Variants in ACER3 observed in about 807,000 individuals in gnomAD.
ACER3 encodes the protein alkCDase 3.
In ACER3, 16 loss-of-function variants were observed where a neutral mutation model predicts 48.9. The ratio of observed to expected loss-of-function variants is 0.33; its 90% CI spans 0.22 to 0.50. ACER3 has a LOEUF of 0.50. ACER3 is among the 20% of genes least tolerant of loss of function. The pLI, the probability that ACER3 is intolerant of heterozygous loss-of-function variation, is 0.98. For missense variants in ACER3, 227 were observed against 326.0 expected (o/e 0.70, Z 2.34); for synonymous variants, 109 against 107.8 (o/e 1.01, Z -0.07).
chr11:76,893,514 A>G (rs145809912), intron 1 of ACER3, among the ~76,000 whole-genome samples: 128 of 152,314 alleles, frequency 8.4e-4, no homozygotes, highest in African/African-American at 2.8e-3. Flanking sequence ...CTTAGCTGTC[A>G]AATTGGATTG....
At chr11:76,963,477 GACA>G (rs34494857) in intron 3 of ACER3, among the ~76,000 whole-genome samples, 87,096 of 150,672 alleles carry the variant, frequency 0.58, 28,567 homozygotes, top group Non-Finnish European at 0.74. Flanking sequence ...TAACACATTA[GACA>G]ACGAGACCAG....
intron 3 of ACER3, among the ~76,000 whole-genome samples, chr11:76,960,137 G>A (rs538724668): frequency 7.2e-5 from 11 of 152,190 alleles, no homozygotes; most frequent in African/African-American, 2.4e-4. Context: ...TTGGCTGGGC[G>A]CGGTGGCTCA....
intron 1 of ACER3, among the ~76,000 whole-genome samples, chr11:76,891,027 G>A (rs1383250175): frequency 2.0e-5 from 3 of 151,938 alleles, no homozygotes; most frequent in East Asian, 3.9e-4. Flanking sequence ...GCTGAGGCAC[G>A]AGAATCGCTT....
intron 4 of ACER3, among the ~76,000 whole-genome samples, chr11:76,980,523 A>T (rs935355090): frequency 2.6e-5 from 4 of 152,196 alleles, no homozygotes; most frequent in Admixed American, 2.0e-4. Context: ...CAAAAAAATT[A>T]AAAAATTAGC....
Position 77,002,369 on chromosome 11 carries a change from T to G in ACER3, c.497+3548T>G, listed in dbSNP as rs185771601. ...TCAGTATTAACTGATTTTATCATACTGTTTTATTCTGTAGTCTGTTAATAA... is the reference window on the plus strand; with the variant it reads ...TCAGTATTAACTGATTTTATCATACGGTTTTATTCTGTAGTCTGTTAATAA... On this transcript the variant is annotated intron_variant, in intron 7 of 10. Coordinates refer to ENST00000532485, the MANE Select transcript of ACER3 (RefSeq NM_018367.7). Among the ~76,000 whole-genome samples the G allele has an allele frequency of 2.1e-4, 32 of 152,350 alleles. No individual in the cohort carries two copies. The East Asian group carries it at 4.6e-3, about 22-fold the overall frequency.
At position 77,024,536 on chromosome 11, in the gene ACER3, T is replaced by C. The variant is rs1949524182; in HGVS notation, c.*4209T>C. On this transcript the variant is annotated 3_prime_UTR_variant, in exon 11 of 11. Transcript: ENST00000532485. ...TGCCTTGAGTATGAAACCTTGACAT[T>C]GCTGAAAGAAAAGTGGAAACTGTAA... The C allele has an allele frequency of 6.6e-6, 1 of 152,172 alleles. No individual in the cohort carries two copies. The highest frequency in any genetic ancestry group is 2.1e-4 in the South Asian group (1 of 4,834). 9.4% of individuals were successfully genotyped at this position (152,172 alleles called of 1,614,324 possible).
intron 2 of ACER3, among the ~76,000 whole-genome samples, chr11:76,932,735 C>T (rs1258666445): frequency 6.6e-6 from 1 of 152,102 alleles, no homozygotes; most frequent in Non-Finnish European, 1.5e-5. Context: ...AGTATTATGA[C>T]CTTCAATTTA....
At chr11:76,907,211 T>C (rs1946258306) in intron 1 of ACER3, among the ~76,000 whole-genome samples, 1 of 152,222 alleles carries the variant, frequency 6.6e-6, no homozygotes, top group South Asian at 2.1e-4. Flanking sequence ...ACAAGCATTC[T>C]TTATGATAGG....
chr11:76,930,354 C>G (rs1435000932), intron 2 of ACER3, among the ~76,000 whole-genome samples: 2 of 152,084 alleles, frequency 1.3e-5, no homozygotes, highest in African/African-American at 2.4e-5. Flanking sequence ...ATTCTTCTCT[C>G]TTTTCTTCTT....
At chr11:76,933,426 GC>G (rs1395114321) in intron 2 of ACER3, among the ~76,000 whole-genome samples, 1 of 146,106 alleles carries the variant, frequency 6.8e-6, no homozygotes, top group Non-Finnish European at 1.5e-5. Flanking sequence ...AGAGGACCCT[GC>G]AGCCTTCCGC....
chr11:76,865,226 C>G (rs1156401655), intron 1 of ACER3, among the ~76,000 whole-genome samples: 2 of 149,072 alleles, frequency 1.3e-5, no homozygotes, highest in African/African-American at 4.9e-5. Flanking sequence ...CTCAAGCAGT[C>G]CTCCCACCTC....
intron 4 of ACER3, among the ~76,000 whole-genome samples, chr11:76,983,120 T>A (rs182289138): frequency 6.6e-6 from 1 of 152,318 alleles, no homozygotes; most frequent in East Asian, 1.9e-4. Flanking sequence ...CAAAATAGCC[T>A]GCTGGAAGAT....
In ACER3 at chr11:77,024,073, C is replaced by CAAAAAA. The variant is rs56406202; in HGVS notation, c.*3769_*3774dup. On this transcript the variant is annotated 3_prime_UTR_variant, in exon 11 of 11. Transcript: ENST00000532485. ...TGGGCAACAGAGCGAGACTCTGTCT[C>CAAAAAA]AAAAAAAAAAAAAAAAAAAAAAAAA... 4 of 15,104 alleles carry CAAAAAA rather than the reference C, an allele frequency of 2.6e-4. No individual in the cohort carries two copies. The highest frequency in any genetic ancestry group is 1.9e-3 in the East Asian group (1 of 524). 0.9% of individuals were successfully genotyped at this position (15,104 alleles called of 1,614,324 possible). A position where few individuals can be genotyped will look rare whatever the true frequency, so the allele number is the denominator to read the frequency against.
At chr11:76,875,732 GT>G (rs71040037) in intron 1 of ACER3, among the ~76,000 whole-genome samples, 5,839 of 66,944 alleles carry the variant, frequency 0.087, 15 homozygotes, top group East Asian at 0.17. Context: ...AGTTTTTGTT[GT>G]TTTTTTTTTT....
At chr11:76,951,293 T>C (rs1947661970) in intron 2 of ACER3, among the ~76,000 whole-genome samples, 1 of 152,210 alleles carries the variant, frequency 6.6e-6, no homozygotes, top group African/African-American at 2.4e-5. Flanking sequence ...TCTTGCTGAT[T>C]TTTATAACTA....
chr11:76,964,913 C>A (rs1172664748), intron 3 of ACER3, among the ~76,000 whole-genome samples: 1 of 151,294 alleles, frequency 6.6e-6, no homozygotes, highest in African/African-American at 2.5e-5. Context: ...CTGTCCTCCT[C>A]CAAAGGAATG....
chr11:77,011,508 C>A (rs1949263063), intron 7 of ACER3: 1 of 412,952 alleles, frequency 2.4e-6, no homozygotes, highest in Non-Finnish European at 3.3e-6. Flanking sequence ...GGGACTCATT[C>A]TTGCCTTCCT....
At chr11:76,876,189 G>A (rs529722449) in intron 1 of ACER3, among the ~76,000 whole-genome samples, 1 of 152,078 alleles carries the variant, frequency 6.6e-6, no homozygotes, top group South Asian at 2.1e-4. Context: ...TTTACCATCA[G>A]CCAGGAAAGT....
intron 1 of ACER3, among the ~76,000 whole-genome samples, chr11:76,882,707 A>AT (rs1945559823): frequency 6.6e-6 from 1 of 152,356 alleles, no homozygotes; most frequent in South Asian, 2.1e-4. Flanking sequence ...TATTCTGAAC[A>AT]TAAAGAATGT....
Sources: gnomAD v4.1 joint callset for allele counts (sites outside exome capture counted in the v4.1 genomes callset) on GRCh38, gnomAD v4.1.1 for gene constraint, MANE v1.5 for transcripts, NCBI Gene and HGNC (gene_info 2026-07-23, HGNC 2026-07-21) for gene names.